The following ATP1A4 variants were observed in gnomAD, a reference collection of about 807,000 sequenced individuals.
The protein encoded by ATP1A4 is ATPase Na+/K+ transporting subunit alpha 4.
ATP1A4 carries 90 observed loss-of-function variants against 114.3 expected under a neutral mutation model. The observed-to-expected ratio is 0.79, with a 90% CI of 0.66 to 0.94. The LOEUF (loss-of-function observed/expected upper bound fraction) is 0.94. Ranked by LOEUF, ATP1A4 falls within the 40% of genes least tolerant of loss-of-function variation. ATP1A4 has a pLI of 0.00. For missense variants in ATP1A4, 1,222 were observed against 1,313.6 expected, an observed-to-expected ratio of 0.93 and a Z score of 1.08; for synonymous variants, 511 against 494.1, an observed-to-expected ratio of 1.03 and a Z score of -0.45.
chr1:160,181,780 A>T lies in ATP1A4; in HGVS notation c.2833A>T (p.Thr945Ser). The T allele has an allele frequency of 6.2e-7, 1 of 1,613,336 alleles. No homozygotes were observed. Among genetic ancestry groups the T allele is most frequent in the Non-Finnish European group, 8.5e-7 (1 of 1,179,886 alleles). The change falls in exon 19 of 22, where the codon ACT (threonine) becomes TCT (serine). Residue 945 changes from threonine (T) to serine (S), a missense_variant. Coordinates refer to ENST00000368081, the MANE Select transcript of ATP1A4 (RefSeq NM_144699.4). ...GTGGGCGGATCTCATCATCTCCAAG[A>T]CTCGCCGCAACTCACTTTTCCAGCA... is the stretch of plus-strand genomic sequence containing the variant. ...VQWADLIISK[T>S]RRNSLFQQGM...
chr1:160,171,834 G>T, intron 12 of ATP1A4, 77 bp downstream of exon 12: 1 of 1,419,646 alleles, frequency 7.0e-7, no homozygotes, highest in Non-Finnish European at 9.6e-7. Flanking sequence ...GCGCAGAGTA[G>T]ATGCTTAATA....
chr1:160,166,796 T>C, intron 8 of ATP1A4, 70 bp downstream of exon 8: 1 of 1,596,394 alleles, frequency 6.3e-7, no homozygotes, highest in Middle Eastern at 1.7e-4. Flanking sequence ...TGAGAGAGAA[T>C]GGTGAGTCCA....
Position 160,186,302 on chromosome 1 carries a change from C to T in ATP1A4, c.2996C>T (p.Pro999Leu). The T allele has an allele frequency of 6.2e-7, 1 of 1,613,504 alleles. No individual in the cohort carries two copies. Among genetic ancestry groups the T allele is most frequent in the African/African-American group, 1.3e-5 (1 of 74,958 alleles). The change falls in exon 21 of 22, where the codon CCC becomes CTC. Residue 999 changes from proline (P) to leucine (L), a missense_variant. Transcript: ENST00000368081. ...ATAACCTGGTGGCTCTGTGCCATTC[C>T]CTACAGTATTCTCATCTTCGTCTAT... The part of the protein sequence containing the change: ...LKITWWLCAI[P>L]YSILIFVYDE...
intron 18 of ATP1A4, among the ~76,000 whole-genome samples, chr1:160,178,357 A>AT (rs1653562541): frequency 7.7e-6 from 1 of 130,184 alleles, no homozygotes; most frequent in African/African-American, 3.5e-5. Flanking sequence ...CTCTGTCTCA[A>AT]AAAATAAATA....
At position 160,152,176 on chromosome 1, in the gene ATP1A4, G is replaced by A; in HGVS notation, c.136G>A (p.Glu46Lys). ...GCGCAATATGGAGGAACTGAAGAAG[G>A]AAGTGGTCATGGTGAGGCCACCCAA... Reference protein sequence around the residue: ...QKRNMEELKKEVVMDDHKLTL... With the variant: ...QKRNMEELKKKVVMDDHKLTL... The change falls in exon 1 of 22, where the codon GAA (glutamate) becomes AAA (lysine). Residue 46 changes from glutamate (E) to lysine (K), a missense_variant. Glu to Lys is a moderately conservative substitution (Grantham distance 56). Coordinates refer to ENST00000368081, the MANE Select transcript of ATP1A4 (RefSeq NM_144699.4). 6.2e-7 allele frequency: 1 copy of A among 1,613,586 alleles called. No individual in the cohort carries two copies. Among genetic ancestry groups the A allele is most frequent in the South Asian group, 1.1e-5 (1 of 91,054 alleles).
chr1:160,151,813 G>A lies in ATP1A4; in HGVS notation c.-228G>A, dbSNP rs924239118. On this transcript the variant is annotated 5_prime_UTR_variant, in exon 1 of 22. Coordinates refer to ENST00000368081, the MANE Select transcript of ATP1A4 (RefSeq NM_144699.4). ...ACTCCTGACTCTTCCTCTTCCCAGC[G>A]GACGGCTGGAGGACCGCTCAGTCTC... The A allele has an allele frequency of 7.0e-5, 33 of 469,770 alleles. No individual in the cohort carries two copies. Among genetic ancestry groups the A allele is most frequent in the African/African-American group, 4.2e-4 (22 of 51,808 alleles). The allele number at this position is 469,770 out of a possible 1,614,324, so 29.1% of individuals were successfully genotyped here. A position where few individuals can be genotyped will look rare whatever the true frequency, so the allele number is the denominator to read the frequency against.
intron 18 of ATP1A4, 25 bp downstream of exon 18, chr1:160,177,689 G>C (rs1317011173): frequency 6.2e-7 from 1 of 1,613,012 alleles, no homozygotes; most frequent in Non-Finnish European, 8.5e-7. Context: ...TAAGGTAGGA[G>C]CTGAGACCAG....
At chr1:160,177,404 A>C (rs1653510165) in intron 17 of ATP1A4, 115 bp from the exon 18 acceptor site, 1 of 1,090,618 alleles carries the variant, frequency 9.2e-7, no homozygotes, top group African/African-American at 1.6e-5. Flanking sequence ...ATTACTCTTC[A>C]GACACACACC....
rs367599769 is a variant in ATP1A4 at position 160,182,044 on chromosome 1, A to G, written c.2969+13A>G. On this transcript the variant is annotated intron_variant, in intron 20 of 21. Coordinates refer to ENST00000368081, the MANE Select transcript of ATP1A4 (RefSeq NM_144699.4). The stretch of plus-strand genomic sequence containing the variant: ...TGTACCCACTCAAGTGAGTAAGGGA[A>G]GGGATGCAAGCAGGGGATGTGCAGG... The G allele has an allele frequency of 4.4e-6, 7 of 1,603,258 alleles. No homozygotes were observed. The African/African-American group carries it at 8.0e-5, about 18-fold the overall frequency.
chr1:160,176,403 AT>A (rs1653465207), intron 16 of ATP1A4, 75 bp from the exon 17 acceptor site: 3 of 1,607,130 alleles, frequency 1.9e-6, no homozygotes, highest in Non-Finnish European at 1.7e-6. Flanking sequence ...TCAAGACAGA[AT>A]GGTAGAGCTT....
chr1:160,166,482 G>A lies in ATP1A4; in HGVS notation c.1048-46G>A, dbSNP rs1045974875. ...ATATCCACAATGCAAAATGGTGTGA[G>A]TATTCCATCTCCCATGTGTATTCTC... is the stretch of plus-strand genomic sequence containing the variant. On this transcript the variant is annotated intron_variant, in intron 7 of 21. Coordinates refer to ENST00000368081, the MANE Select transcript of ATP1A4 (RefSeq NM_144699.4). 5 of 1,604,106 alleles carry A rather than the reference G, an allele frequency of 3.1e-6. No individual in the cohort carries two copies. The African/African-American group carries it at 5.4e-5, about 17-fold the overall frequency.
chr1:160,159,115 T>C lies in ATP1A4; in HGVS notation c.639T>C (p.Leu213=), dbSNP rs1156878274. The C allele has an allele frequency of 1.2e-6, 2 of 1,614,050 alleles. No homozygotes were observed. The highest frequency in any genetic ancestry group is 2.7e-5 in the African/African-American group (2 of 75,034). The change falls in exon 5 of 22, where the codon CTT becomes CTC. Residue 213 remains leucine (L), a synonymous_variant. Coordinates refer to ENST00000368081, the MANE Select transcript of ATP1A4 (RefSeq NM_144699.4). ...GGDRVPADLR[L]ISAQGCKVDN... ...ACCGAGTCCCTGCTGACCTCCGGCT[T>C]ATCTCTGCACAAGGATGTAAGGTGA...
intron 4 of ATP1A4, among the ~76,000 whole-genome samples, chr1:160,157,800 G>A (rs911953762): frequency 2.0e-5 from 3 of 152,130 alleles, no homozygotes; most frequent in African/African-American, 7.2e-5. Context: ...AGGTTATATA[G>A]GTGTTCTTGG....
At position 160,162,826 on chromosome 1, in the gene ATP1A4, C is replaced by A. The variant is rs143180058; in HGVS notation, c.779-1330C>A. On this transcript the variant is annotated intron_variant, in intron 6 of 21. Transcript: ENST00000368081. The stretch of plus-strand genomic sequence containing the variant: ...AACCACTATTCCTGGGATCTAGAAA[C>A]TCCTCAGCTGCTGAGGGCAAGATAA... Among the ~76,000 whole-genome samples, 171 of 152,284 alleles carry A rather than the reference C, an allele frequency of 1.1e-3. 2 individuals are homozygous for A. The highest frequency in any genetic ancestry group is 3.8e-3 in the African/African-American group (158 of 41,566).
Position 160,185,612 on chromosome 1 carries a change from C to A in ATP1A4, c.2970-664C>A, listed in dbSNP as rs186491165. Among the ~76,000 whole-genome samples, 183 of 151,796 alleles carry A rather than the reference C, an allele frequency of 1.2e-3. 1 individual carries two copies. The highest frequency in any genetic ancestry group is 3.4e-4 in the Non-Finnish European group (23 of 67,924). On this transcript the variant is annotated intron_variant, in intron 20 of 21. Coordinates refer to ENST00000368081, the MANE Select transcript of ATP1A4 (RefSeq NM_144699.4). ...ACCGGTCTGGGCAACATGGCGAAAC[C>A]CCATCTCTCCTAAAAATACAAAATT...
At chr1:160,161,088 T>TA (rs1333096640) in intron 6 of ATP1A4, among the ~76,000 whole-genome samples, 1 of 152,048 alleles carries the variant, frequency 6.6e-6, no homozygotes, top group Non-Finnish European at 1.5e-5. Flanking sequence ...TGTAGGAGGC[T>TA]AAAAAAACCC....
rs373273839 is a variant in ATP1A4, at chr1:160,174,636, G to A, written c.2200G>A (p.Ala734Thr). 3.7e-6 allele frequency: 6 copies of A among 1,614,078 alleles called. No homozygotes were observed. In the East Asian group the frequency reaches 6.7e-5, roughly 18 times the overall value. Reference sequence around the variant, plus strand: ...GAACGACTCCCCTGCGCTGAAGAAGGCTGACATTGGCATTGCCATGGGCAT... The same window carrying A: ...GAACGACTCCCCTGCGCTGAAGAAGACTGACATTGGCATTGCCATGGGCAT... ...GVNDSPALKK[A>T]DIGIAMGISG... The change falls in exon 15 of 22, where the codon GCT (alanine) becomes ACT (threonine). Residue 734 changes from alanine to threonine, a missense_variant. Transcript: ENST00000368081.
At chr1:160,185,260 A>G (rs944381300) in intron 20 of ATP1A4, among the ~76,000 whole-genome samples, 1 of 151,990 alleles carries the variant, frequency 6.6e-6, no homozygotes, top group African/African-American at 2.4e-5. Flanking sequence ...TTACAGGCGC[A>G]TGCCACCATG....
At chr1:160,176,068 C>A in intron 15 of ATP1A4, 24 bp from the exon 16 acceptor site, 1 of 1,613,742 alleles carries the variant, frequency 6.2e-7, no homozygotes, top group Non-Finnish European at 8.5e-7. Flanking sequence ...GGGCTTCTCA[C>A]AGGAGGTTGA....
Sources: allele counts gnomAD v4.1 joint callset (sites outside exome capture counted in the v4.1 genomes callset), GRCh38; gene constraint gnomAD v4.1.1; transcripts MANE v1.5; gene names NCBI Gene and HGNC (gene_info 2026-07-23, HGNC 2026-07-21).